The following PCDHGA8 variants were observed in gnomAD, a reference collection of about 807,000 sequenced individuals.
PCDHGA8 encodes the protein protocadherin gamma subfamily A, 8.
In PCDHGA8, 45 loss-of-function variants were observed where a neutral mutation model predicts 59.2. The ratio of observed to expected loss-of-function variants is 0.76; its 90% confidence interval spans 0.60 to 0.98. The LOEUF is 0.98. Ranked by LOEUF, PCDHGA8 falls within the 50% of genes least tolerant of loss-of-function variation. PCDHGA8 has a pLI of 0.00. For synonymous variants in PCDHGA8, 531 were observed against 519.0 expected (o/e 1.02, Z -0.32); for missense variants, 1,257 against 1,196.2 (o/e 1.05, Z -0.75).
chr5:141,409,808 G>A lies in PCDHGA8; in HGVS notation c.2424+14571G>A, dbSNP rs1445467116. On this transcript the variant is annotated intron_variant, in intron 1 of 3. Coordinates refer to ENST00000398604, the MANE Select transcript of PCDHGA8 (RefSeq NM_032088.2). ...CTTCGCGCTCACGCTGCAGGCCCGC[G>A]ACCACGGCTCGCCCACGCTCAGCGC... 4.3e-6 allele frequency: 7 copies of A among 1,611,624 alleles called. No individual in the cohort carries two copies. In the East Asian group the frequency reaches 1.3e-4, roughly 31 times the overall value.
At chr5:141,456,364 G>A (rs778916049) in intron 1 of PCDHGA8, among the ~76,000 whole-genome samples, 2 of 152,258 alleles carry the variant, frequency 1.3e-5, no homozygotes, top group Admixed American at 6.5e-5. Flanking sequence ...TCCATGTGTG[G>A]TTCAGTTTAC....
intron 2 of PCDHGA8, 106 bp downstream of exon 2, chr5:141,494,971 C>T (rs1244836841): frequency 1.3e-6 from 2 of 1,583,382 alleles, no homozygotes; most frequent in African/African-American, 1.3e-5. Context: ...ATGGCTTCTC[C>T]CTCAGTTTGA....
chr5:141,409,259 T>C lies in PCDHGA8; in HGVS notation c.2424+14022T>C, dbSNP rs370130162. ...CCCAGAAATAATCATCACTTCTCTC[T>C]CTGATCAGATTTTGGAGAATTCACC... is the stretch of plus-strand genomic sequence containing the variant. On this transcript the variant is annotated intron_variant, in intron 1 of 3. Coordinates refer to ENST00000398604, the MANE Select transcript of PCDHGA8 (RefSeq NM_032088.2). The C allele has an allele frequency of 1.9e-6, 3 of 1,614,012 alleles. No individual in the cohort carries two copies. Among genetic ancestry groups the C allele is most frequent in the South Asian group, 2.2e-5 (2 of 91,082 alleles).
intron 2 of PCDHGA8, among the ~76,000 whole-genome samples, chr5:141,502,894 G>C (rs1342496006): frequency 6.8e-6 from 1 of 147,968 alleles, no homozygotes; most frequent in Non-Finnish European, 1.5e-5. Context: ...AGGGAGTCTA[G>C]CTCTGTTGCC....
In PCDHGA8 at chr5:141,399,794, C is replaced by A. The variant is rs2093888579; in HGVS notation, c.2424+4557C>A. ...GTGGGCGACCGAAACGACAACGCAC[C>A]GCGGGTGCTGTACCCCGCGCTGGGT... is the stretch of plus-strand genomic sequence containing the variant. On this transcript the variant is annotated intron_variant, in intron 1 of 3. Transcript: ENST00000398604. 1.9e-6 allele frequency: 3 copies of A among 1,613,268 alleles called. No homozygotes were observed. The highest frequency in any genetic ancestry group is 1.1e-5 in the South Asian group (1 of 91,052).
chr5:141,403,007 C>T (rs774624797), intron 1 of PCDHGA8: 10 of 1,613,940 alleles, frequency 6.2e-6, no homozygotes, highest in Non-Finnish European at 8.5e-6. Context: ...GCTATGCTCG[C>T]TCCTGGGGAT....
Position 141,444,232 on chromosome 5 carries a change from C to T in PCDHGA8, c.2424+48995C>T, listed in dbSNP as rs1411172798. Among the ~76,000 whole-genome samples the T allele has an allele frequency of 2.5e-5, 3 of 122,350 alleles. No individual in the cohort carries two copies. In the Admixed American group the frequency reaches 3.3e-4, roughly 14 times the overall value. The allele number at this position is 122,350 out of a possible 152,430, so 80.3% of individuals were successfully genotyped here. ...TGTTGCCCAGGCTGGAGTGCAATGG[C>T]ATGCTCTCGGCTCACTGCAACCTCC... is the stretch of plus-strand genomic sequence containing the variant. On this transcript the variant is annotated intron_variant, in intron 1 of 3. Coordinates refer to ENST00000398604, the MANE Select transcript of PCDHGA8 (RefSeq NM_032088.2).
At position 141,491,872 on chromosome 5, in the gene PCDHGA8, G is replaced by A; in HGVS notation, c.2425-2935G>A. On this transcript the variant is annotated intron_variant, in intron 1 of 3. Transcript: ENST00000398604. The surrounding 1 kb of genome is among the most constrained non-coding windows in gnomAD (Gnocchi z 6.9). ...CCGTTTGCGCGAAACCAGAGTGGCCGATTAAGGGATGGGGCTCCGAGCACC... is the reference window on the plus strand; with the variant it reads ...CCGTTTGCGCGAAACCAGAGTGGCCAATTAAGGGATGGGGCTCCGAGCACC... 6.9e-7 allele frequency: 1 copy of A among 1,452,190 alleles called. No individual in the cohort carries two copies. The highest frequency in any genetic ancestry group is 9.1e-7 in the Non-Finnish European group (1 of 1,098,644). The allele number at this position is 1,452,190 out of a possible 1,614,324, so 90.0% of individuals were successfully genotyped here.
intron 1 of PCDHGA8, among the ~76,000 whole-genome samples, chr5:141,459,559 A>AC (rs920626314): frequency 6.6e-6 from 1 of 152,198 alleles, no homozygotes; most frequent in Non-Finnish European, 1.5e-5. Flanking sequence ...TTGGATAAAT[A>AC]CCCCAAAACA....
chr5:141,424,799 A>G (rs552155487), intron 1 of PCDHGA8: 90 of 152,274 alleles, frequency 5.9e-4, no homozygotes, highest in African/African-American at 2.1e-3. Context: ...ATTCAGACCA[A>G]CTTGTTATTG....
rs369529373 is a variant in PCDHGA8 at position 141,458,890 on chromosome 5, C to T, written c.2425-35917C>T. Among the ~76,000 whole-genome samples, 87 of 152,160 alleles carry T rather than the reference C, an allele frequency of 5.7e-4. 1 individual carries two copies. In the South Asian group the frequency reaches 0.016, roughly 28 times the overall value. ...TGGGACTACAGGCATGCACACCATG[C>T]GCAGCTAATTTTTTCTATTTTTTGT... On this transcript the variant is annotated intron_variant, in intron 1 of 3. Coordinates refer to ENST00000398604, the MANE Select transcript of PCDHGA8 (RefSeq NM_032088.2).
chr5:141,452,459 C>T (rs545368648), intron 1 of PCDHGA8, among the ~76,000 whole-genome samples: 38 of 152,246 alleles, frequency 2.5e-4, no homozygotes, highest in Middle Eastern at 6.8e-3. Context: ...TGTCAGCAGA[C>T]GGAGCTAGGA....
rs2096370584 is a variant in PCDHGA8 at position 141,419,372 on chromosome 5, G to A, written c.2424+24135G>A. On this transcript the variant is annotated intron_variant, in intron 1 of 3. Coordinates refer to ENST00000398604, the MANE Select transcript of PCDHGA8 (RefSeq NM_032088.2). The stretch of plus-strand genomic sequence containing the variant: ...GGAGTCACGAACGCTGTCGTCCTAC[G>A]TGTCCGTGAGCGCGCAGAGCGGGGT... 2 of 1,613,728 alleles carry A rather than the reference G, an allele frequency of 1.2e-6. No homozygotes were observed. Among genetic ancestry groups the A allele is most frequent in the South Asian group, 1.1e-5 (1 of 91,088 alleles).
At chr5:141,438,591 C>CATACATAT (rs1228520343) in intron 1 of PCDHGA8, among the ~76,000 whole-genome samples, 2 of 75,562 alleles carry the variant, frequency 2.6e-5, no homozygotes, top group African/African-American at 4.5e-5. Context: ...TACATACATA[C>CATACATAT]ATATATATAT....
chr5:141,450,650 C>G (rs1220350105), intron 1 of PCDHGA8, among the ~76,000 whole-genome samples: 1 of 151,618 alleles, frequency 6.6e-6, no homozygotes, highest in Non-Finnish European at 1.5e-5. Context: ...CCATGCCTGG[C>G]TAATTTTTGT....
At position 141,394,633 on chromosome 5, in the gene PCDHGA8, G is replaced by A. The variant is rs1026935408; in HGVS notation, c.1820G>A (p.Arg607His). The A allele has an allele frequency of 3.5e-5, 57 of 1,613,274 alleles. No homozygotes were observed. The highest frequency in any genetic ancestry group is 1.7e-4 in the Middle Eastern group (1 of 5,974). ...GGCCAGAACGCCTGGCTGTCCTACC[G>A]CCTGCTCAAGGCCAGCGAGCCGGGA... is the stretch of plus-strand genomic sequence containing the variant. ...DSGQNAWLSY[R>H]LLKASEPGLF... The change falls in exon 1 of 4, where the codon CGC (arginine) becomes CAC (histidine). Residue 607 changes from arginine (R) to histidine (H), a missense_variant. Physicochemically the swap from Arg to His is conservative, Grantham distance 29. Transcript: ENST00000398604.
At position 141,476,193 on chromosome 5, in the gene PCDHGA8, T is replaced by C. The variant is rs1224461188; in HGVS notation, c.2425-18614T>C. On this transcript the variant is annotated intron_variant, in intron 1 of 3. Coordinates refer to ENST00000398604, the MANE Select transcript of PCDHGA8 (RefSeq NM_032088.2). The surrounding 1 kb of genome is among the most constrained non-coding windows in gnomAD (Gnocchi z 7.6). The stretch of plus-strand genomic sequence containing the variant: ...GGAGTTTTGCTTCTGCTTGGTGCCT[T>C]GAACAAGGCTTCCACGGTCATTCAC... The C allele has an allele frequency of 6.2e-7, 1 of 1,613,812 alleles. No homozygotes were observed. Among genetic ancestry groups the C allele is most frequent in the South Asian group, 1.1e-5 (1 of 91,068 alleles).
chr5:141,412,219 C>T (rs549742411), intron 1 of PCDHGA8: 1 of 152,334 alleles, frequency 6.6e-6, no homozygotes, highest in African/African-American at 2.4e-5. Context: ...TAAACACTTA[C>T]TTGTTAAAAA....
intron 1 of PCDHGA8, among the ~76,000 whole-genome samples, chr5:141,474,082 CA>C (rs1449032579): frequency 1.3e-5 from 2 of 151,946 alleles, no homozygotes; most frequent in Non-Finnish European, 2.9e-5. Flanking sequence ...AAACAAAAAC[CA>C]AAAAACAAAC....
Sources: allele counts gnomAD v4.1 joint callset (sites outside exome capture counted in the v4.1 genomes callset), GRCh38; gene constraint gnomAD v4.1.1; non-coding constraint Gnocchi (gnomAD v3.1); transcripts MANE v1.5; gene names NCBI Gene and HGNC (gene_info 2026-07-23, HGNC 2026-07-21).